The following TMOD1 variants were observed in gnomAD, a reference collection of about 807,000 sequenced individuals.
TMOD1 encodes the protein tropomodulin-1.
TMOD1 carries 17 observed loss-of-function variants against 40.6 expected under a neutral mutation model. The ratio of observed to expected loss-of-function variants is 0.42; its 90% CI spans 0.29 to 0.63. The LOEUF (loss-of-function observed/expected upper bound fraction) is 0.63, where lower values mean the gene tolerates loss of function less well. Ranked by LOEUF, TMOD1 falls within the 20% of genes least tolerant of loss-of-function variation. TMOD1 has a pLI of 0.22. For missense variants in TMOD1, 391 were observed against 447.6 expected (o/e 0.87, Z 1.14); for synonymous variants, 181 against 175.0 (o/e 1.03, Z -0.27).
intron 8 of TMOD1, among the ~76,000 whole-genome samples, chr9:97,578,037 G>C (rs1825651195): frequency 6.6e-6 from 1 of 152,096 alleles, no homozygotes; most frequent in Non-Finnish European, 1.5e-5. Flanking sequence ...GTCAGAGAAA[G>C]ATGCAGGTAT....
chr9:97,586,526 G>C (rs1825874152), intron 8 of TMOD1, among the ~76,000 whole-genome samples: 2 of 151,898 alleles, frequency 1.3e-5, no homozygotes, highest in African/African-American at 4.8e-5. Flanking sequence ...GCTGTGGTGG[G>C]CTCCACCCAG....
chr9:97,553,358 G>C lies in TMOD1; in HGVS notation c.355G>C (p.Ala119Pro). 1 of 1,614,230 alleles carries C rather than the reference G, an allele frequency of 6.2e-7. No individual in the cohort carries two copies. Among genetic ancestry groups the C allele is most frequent in the Non-Finnish European group, 8.5e-7 (1 of 1,180,050 alleles). ...GACGCTGGAACCGGAGCTGGAGGAA[G>C]CCTTGGCAAATGCTTCAGATGCAGA... ...SVTLEPELEEALANASDAELC... is the reference protein window; with the variant it reads ...SVTLEPELEEPLANASDAELC... Residue 119 changes from alanine (A) to proline (P), a missense_variant, in exon 4 of 10, where the codon GCC becomes CCC. Coordinates refer to ENST00000259365, the MANE Select transcript of TMOD1 (RefSeq NM_003275.4).
rs1238411359 is a variant in TMOD1 at position 97,555,727 on chromosome 9, G to A, written c.397+2327G>A. On this transcript the variant is annotated intron_variant, in intron 4 of 9. Transcript: ENST00000259365. ...CAGGTTCTATGTGAGTTGCTCTCAA[G>A]ACCTTATTGCATTTATTGACCAAAA... 73 of 1,510,924 alleles carry A rather than the reference G, an allele frequency of 4.8e-5. No homozygotes were observed. The East Asian group carries it at 1.7e-3, about 36-fold the overall frequency. 93.6% of individuals were successfully genotyped at this position (1,510,924 alleles called of 1,614,324 possible).
chr9:97,535,563 C>T (rs544076367), intron 2 of TMOD1, among the ~76,000 whole-genome samples: 2 of 152,310 alleles, frequency 1.3e-5, no homozygotes, highest in East Asian at 3.9e-4. Flanking sequence ...TGGCTGTGAG[C>T]CCCTCTGGGC....
intron 1 of TMOD1, among the ~76,000 whole-genome samples, chr9:97,507,870 A>G (rs1057166353): frequency 2.0e-5 from 3 of 152,126 alleles, no homozygotes; most frequent in East Asian, 1.9e-4. Flanking sequence ...CTTAACCCCA[A>G]TCCTCAGTAT....
In TMOD1 at chr9:97,591,450, G is replaced by C; in HGVS notation, c.1015+15G>C. On this transcript the variant is annotated intron_variant, in intron 9 of 9. Coordinates refer to ENST00000259365, the MANE Select transcript of TMOD1 (RefSeq NM_003275.4). Reference sequence around the variant, plus strand: ...CAATGACCTTGGTGAGTAGAAATATGCTTCCTGCCCTGCCCGCAGTCCTGT... The same window carrying C: ...CAATGACCTTGGTGAGTAGAAATATCCTTCCTGCCCTGCCCGCAGTCCTGT... 6.2e-7 allele frequency: 1 copy of C among 1,613,120 alleles called. No homozygotes were observed. Among genetic ancestry groups the C allele is most frequent in the Non-Finnish European group, 8.5e-7 (1 of 1,179,414 alleles).
chr9:97,578,275 G>A (rs1026809958), intron 8 of TMOD1, among the ~76,000 whole-genome samples: 5 of 152,126 alleles, frequency 3.3e-5, no homozygotes, highest in African/African-American at 9.7e-5. Flanking sequence ...GGATGGTCTC[G>A]ATCTCCTGAC....
rs1408799732 is a variant in TMOD1 at position 97,537,244 on chromosome 9, TCATGCATGTGTGCGTG to T, written c.121-8930_121-8915del. On this transcript the variant is annotated intron_variant, in intron 2 of 9. Transcript: ENST00000259365. ...GATCCTTTTAATGCATTGTGTGTGTTCATGCATGTGTGCGTGCATGCATGTGCACGTGTGTGCATGT... is the reference window on the plus strand; with the variant it reads ...GATCCTTTTAATGCATTGTGTGTGTTCATGCATGTGCACGTGTGTGCATGT... Among the ~76,000 whole-genome samples, 19 of 152,348 alleles carry T rather than the reference TCATGCATGTGTGCGTG, an allele frequency of 1.2e-4. No individual in the cohort carries two copies. The South Asian group carries it at 3.7e-3, about 30-fold the overall frequency.
Position 97,517,084 on chromosome 9 carries a change from C to T in TMOD1, c.-48-7057C>T, listed in dbSNP as rs190704247. 1.6e-3 allele frequency among the ~76,000 whole-genome samples: 237 copies of T among 152,174 alleles called. 2 individuals are homozygous for T. Among genetic ancestry groups the T allele is most frequent in the African/African-American group, 5.3e-3 (218 of 41,512 alleles). On this transcript the variant is annotated intron_variant, in intron 1 of 9. Coordinates refer to ENST00000259365, the MANE Select transcript of TMOD1 (RefSeq NM_003275.4). ...AGGAGAGGCCAGACATGGTGGCTCA[C>T]ACGTATAATCCCAGCACTTTGGGAG...
chr9:97,571,195 G>A (rs938051013), intron 8 of TMOD1, among the ~76,000 whole-genome samples: 9 of 152,234 alleles, frequency 5.9e-5, no homozygotes, highest in Admixed American at 4.6e-4. Context: ...CCCAGAGTCA[G>A]CTGAAACTTA....
intron 8 of TMOD1, among the ~76,000 whole-genome samples, chr9:97,582,622 C>CA (rs1175492722): frequency 9.6e-6 from 1 of 103,928 alleles, no homozygotes; most frequent in Non-Finnish European, 1.8e-5. Context: ...TTGATTCTTC[C>CA]TACCCATGAG....
At chr9:97,548,785 G>A (rs1191032129) in intron 3 of TMOD1, among the ~76,000 whole-genome samples, 2 of 152,184 alleles carry the variant, frequency 1.3e-5, no homozygotes, top group Non-Finnish European at 2.9e-5. Context: ...AGCCCAAAAG[G>A]TTCATCATCA....
chr9:97,584,012 T>C (rs1045473722), intron 8 of TMOD1, among the ~76,000 whole-genome samples: 2 of 152,052 alleles, frequency 1.3e-5, no homozygotes, highest in African/African-American at 4.8e-5. Flanking sequence ...TCAGTTCTGC[T>C]CTGATCTTAG....
intron 2 of TMOD1, among the ~76,000 whole-genome samples, chr9:97,525,488 C>T (rs1829999422): frequency 6.6e-6 from 1 of 152,206 alleles, no homozygotes; most frequent in African/African-American, 2.4e-5. Flanking sequence ...GTTTCATTCC[C>T]CATTCTTTGC....
rs1430887360 is a variant in TMOD1 at position 97,600,141 on chromosome 9, C to G, written c.*443C>G. 1.0e-6 allele frequency: 1 copy of G among 1,002,930 alleles called. No individual in the cohort carries two copies. Among genetic ancestry groups the G allele is most frequent in the African/African-American group, 1.7e-5 (1 of 57,878 alleles). 62.1% of individuals were successfully genotyped at this position (1,002,930 alleles called of 1,614,324 possible). The stretch of plus-strand genomic sequence containing the variant: ...TTGTCTTAGCTATTAGCAAATAAAA[C>G]TGATTATCATTCTTTATTAACCCTC... On this transcript the variant is annotated 3_prime_UTR_variant, in exon 10 of 10. Coordinates refer to ENST00000259365, the MANE Select transcript of TMOD1 (RefSeq NM_003275.4).
Position 97,522,092 on chromosome 9 carries a change from A to G in TMOD1, c.-48-2049A>G, listed in dbSNP as rs376076197. Among the ~76,000 whole-genome samples, 267 of 152,292 alleles carry G rather than the reference A, an allele frequency of 1.8e-3. 3 individuals are homozygous for G. The highest frequency in any genetic ancestry group is 6.0e-3 in the African/African-American group (248 of 41,552). On this transcript the variant is annotated intron_variant, in intron 1 of 9. Coordinates refer to ENST00000259365, the MANE Select transcript of TMOD1 (RefSeq NM_003275.4). ...TCTAAATACGTACGTTGCTGTGAAG[A>G]AGGTCATATCTGTTACATAAGTTTG...
chr9:97,541,130 T>C (rs1830269819), intron 2 of TMOD1, among the ~76,000 whole-genome samples: 1 of 152,220 alleles, frequency 6.6e-6, no homozygotes, highest in Non-Finnish European at 1.5e-5. Flanking sequence ...TTTGGCCATT[T>C]TTATATAATC....
chr9:97,591,493 C>A, intron 9 of TMOD1, 58 bp downstream of exon 9: 1 of 1,561,388 alleles, frequency 6.4e-7, no homozygotes, highest in Non-Finnish European at 8.7e-7. Context: ...TCCACCTGTG[C>A]TGGGGATGTC....
At chr9:97,551,397 G>T (rs992774099) in intron 3 of TMOD1, among the ~76,000 whole-genome samples, 2 of 151,996 alleles carry the variant, frequency 1.3e-5, no homozygotes, top group Non-Finnish European at 2.9e-5. Context: ...GTGAAATAGG[G>T]GTCCAACTTC....
Sources: allele counts gnomAD v4.1 joint callset (sites outside exome capture counted in the v4.1 genomes callset), GRCh38; gene constraint gnomAD v4.1.1; transcripts MANE v1.5; gene names NCBI Gene and HGNC (gene_info 2026-07-23, HGNC 2026-07-21).